CA12: variants seen among roughly 807,000 people sequenced by gnomAD.
CA12 encodes carbonic anhydrase 12, also known as carbonate dehydratase XII.
In CA12, 36 loss-of-function variants were observed where a neutral mutation model predicts 46.8. The observed-to-expected ratio is 0.77, with a 90% CI of 0.59 to 1.02. The LOEUF (loss-of-function observed/expected upper bound fraction) is 1.02. Ranked by LOEUF, CA12 falls within the 50% of genes least tolerant of loss-of-function variation. The probability of loss-of-function intolerance (pLI) is 0.00; values close to 1 mark genes in which losing one functional copy is unlikely to be tolerated. For synonymous variants in CA12, 202 were observed against 187.0 expected (o/e 1.08, Z -0.65); for missense variants, 436 against 451.4 (o/e 0.97, Z 0.31).
rs1363319217 is a variant in CA12, at chr15:63,355,141, C to A, written c.107-8432G>T. Among the ~76,000 whole-genome samples the A allele has an allele frequency of 6.6e-6, 1 of 152,216 alleles. No homozygotes were observed. Among genetic ancestry groups the A allele is most frequent in the Non-Finnish European group, 1.5e-5 (1 of 68,040 alleles). Reference sequence around the variant, plus strand: ...GTGGAGAGGCTCTGCCCACCTCTCTCTGGACTTTTCTGTGTCTGCTCCCAC... The same window carrying A: ...GTGGAGAGGCTCTGCCCACCTCTCTATGGACTTTTCTGTGTCTGCTCCCAC... On this transcript the variant is annotated intron_variant, in intron 2 of 10. Coordinates refer to ENST00000178638, the MANE Select transcript of CA12 (RefSeq NM_001218.5). This position sits in a 1 kb window ranked among gnomAD's most constrained non-coding sequence, Gnocchi z 4.1.
intron 8 of CA12, among the ~76,000 whole-genome samples, chr15:63,333,727 C>T (rs890723005): frequency 6.6e-5 from 10 of 152,172 alleles, no homozygotes; most frequent in African/African-American, 2.4e-4. Flanking sequence ...CATAAAATTG[C>T]CCAGGTCTAG....
At chr15:63,326,921 G>A (rs1272646534) in intron 10 of CA12, among the ~76,000 whole-genome samples, 5 of 152,228 alleles carry the variant, frequency 3.3e-5, no homozygotes, top group South Asian at 2.1e-4. Flanking sequence ...AGGCACACAC[G>A]CTTCCAAATC....
chr15:63,352,034 A>G (rs1015818713), intron 2 of CA12, among the ~76,000 whole-genome samples: 2 of 152,074 alleles, frequency 1.3e-5, no homozygotes, highest in African/African-American at 4.8e-5. Flanking sequence ...AGGTGAGGGT[A>G]ATGTGAAAGA....
At position 63,341,744 on chromosome 15, in the gene CA12, G is replaced by A. The variant is rs573554208; in HGVS notation, c.525+258C>T. Reference sequence around the variant, plus strand: ...CCAACTGGGCAATTCCATGCCTTATGCAACAGGGCTAGATGTTGGGGCCCG... The same window carrying A: ...CCAACTGGGCAATTCCATGCCTTATACAACAGGGCTAGATGTTGGGGCCCG... On this transcript the variant is annotated intron_variant, in intron 5 of 10. Transcript: ENST00000178638. This position sits in a 1 kb window ranked among gnomAD's most constrained non-coding sequence, Gnocchi z 5.2. Among the ~76,000 whole-genome samples the A allele has an allele frequency of 1.2e-4, 19 of 152,320 alleles. No individual in the cohort carries two copies. In the South Asian group the frequency reaches 1.4e-3, roughly 12 times the overall value.
intron 2 of CA12, among the ~76,000 whole-genome samples, chr15:63,357,819 C>G (rs1049255492): frequency 2.6e-5 from 4 of 152,140 alleles, no homozygotes; most frequent in Middle Eastern, 3.2e-3. Context: ...GAAGCAGTCA[C>G]CTCCCACTCT....
chr15:63,370,629 C>T (rs775687524), intron 2 of CA12, among the ~76,000 whole-genome samples: 1 of 151,416 alleles, frequency 6.6e-6, no homozygotes, highest in South Asian at 2.1e-4. Context: ...AAAGATTAGC[C>T]GGGCGTGGTG....
chr15:63,358,220 G>T (rs2039317086), intron 2 of CA12, among the ~76,000 whole-genome samples: 1 of 152,236 alleles, frequency 6.6e-6, no homozygotes, highest in African/African-American at 2.4e-5. Context: ...GCTGTGCAGA[G>T]TGCTGCAAGG....
At position 63,330,813 on chromosome 15, in the gene CA12, C is replaced by T. The variant is rs2038928804; in HGVS notation, c.875-2683G>A. Among the ~76,000 whole-genome samples the T allele has an allele frequency of 6.6e-6, 1 of 152,212 alleles. No homozygotes were observed. The highest frequency in any genetic ancestry group is 6.5e-5 in the Admixed American group (1 of 15,284). ...AGCAACAGCATAGTTGAACCCAGTG[C>T]TGTGACCTGGGATCTTTGCTCCTTG... is the stretch of plus-strand genomic sequence containing the variant. On this transcript the variant is annotated intron_variant, in intron 8 of 10. Coordinates refer to ENST00000178638, the MANE Select transcript of CA12 (RefSeq NM_001218.5). This position sits in a 1 kb window ranked among gnomAD's most constrained non-coding sequence, Gnocchi z 4.0.
Position 63,345,354 on chromosome 15 carries a change from G to T in CA12, c.429+123C>A. The T allele has an allele frequency of 1.6e-6, 2 of 1,262,670 alleles. No homozygotes were observed. Among genetic ancestry groups the T allele is most frequent in the Non-Finnish European group, 2.2e-6 (2 of 897,786 alleles). The allele number at this position is 1,262,670 out of a possible 1,614,324, so 78.2% of individuals were successfully genotyped here. On this transcript the variant is annotated intron_variant, in intron 4 of 10. Coordinates refer to ENST00000178638, the MANE Select transcript of CA12 (RefSeq NM_001218.5). This position sits in a 1 kb window ranked among gnomAD's most constrained non-coding sequence, Gnocchi z 4.3. The stretch of plus-strand genomic sequence containing the variant: ...CGCCCCTTGTGCCAGGGCCAGAGGT[G>T]GGGCAGAGAGCCTGAAGGCAGCCTG...
chr15:63,380,199 G>A (rs1218734982), intron 1 of CA12, among the ~76,000 whole-genome samples: 1 of 152,202 alleles, frequency 6.6e-6, no homozygotes, highest in Admixed American at 6.5e-5. Context: ...GGCGAAAGTG[G>A]AGTTTTGACT....
At chr15:63,357,416 T>C (rs546959664) in intron 2 of CA12, among the ~76,000 whole-genome samples, 1 of 152,326 alleles carries the variant, frequency 6.6e-6, no homozygotes, top group African/African-American at 2.4e-5. Flanking sequence ...CATGGCTACA[T>C]AGTGGAATCT....
intron 2 of CA12, among the ~76,000 whole-genome samples, chr15:63,364,343 A>AAAAAAAAAAAG (rs2039410501): frequency 6.7e-6 from 1 of 149,368 alleles, no homozygotes; most frequent in East Asian, 1.9e-4. Flanking sequence ...AAAAAAAAAA[A>AAAAAAAAAAAG]AAAAAAAAAA....
intron 4 of CA12, among the ~76,000 whole-genome samples, chr15:63,344,599 T>C (rs2039121901): frequency 6.6e-6 from 1 of 152,216 alleles, no homozygotes; most frequent in Non-Finnish European, 1.5e-5. Context: ...TGCTTGCAAG[T>C]AGACCTATGA....
intron 2 of CA12, among the ~76,000 whole-genome samples, chr15:63,356,396 T>A (rs1358069328): frequency 6.6e-6 from 1 of 152,200 alleles, no homozygotes; most frequent in Non-Finnish European, 1.5e-5. Context: ...AATAAAAAAT[T>A]AAAAATTGTA....
At chr15:63,370,984 T>C (rs565330577) in intron 2 of CA12, among the ~76,000 whole-genome samples, 11 of 151,966 alleles carry the variant, frequency 7.2e-5, no homozygotes, top group African/African-American at 2.4e-4. Context: ...CTGTTTTGAG[T>C]CTCCCCTGAG....
chr15:63,324,770 C>A lies in CA12; in HGVS notation c.*1515G>T, dbSNP rs984646445. ...GTGGCATGACCTTGGCTTACTGCAACCTCCGCCTCCTGGGTTCAAGCGATT... is the reference window on the plus strand; with the variant it reads ...GTGGCATGACCTTGGCTTACTGCAAACTCCGCCTCCTGGGTTCAAGCGATT... On this transcript the variant is annotated 3_prime_UTR_variant, in exon 11 of 11. Coordinates refer to ENST00000178638, the MANE Select transcript of CA12 (RefSeq NM_001218.5). 1.3e-5 allele frequency: 2 copies of A among 149,680 alleles called. No individual in the cohort carries two copies. The highest frequency in any genetic ancestry group is 2.9e-5 in the Non-Finnish European group (2 of 67,810). 9.3% of individuals were successfully genotyped at this position (149,680 alleles called of 1,614,324 possible).
chr15:63,377,186 C>T (rs768456701), intron 1 of CA12, among the ~76,000 whole-genome samples: 17 of 152,156 alleles, frequency 1.1e-4, no homozygotes, highest in Non-Finnish European at 1.9e-4. Flanking sequence ...GAGGAAGGGA[C>T]CCTGAGTAGA....
At chr15:63,332,682 C>T (rs1338740639) in intron 8 of CA12, among the ~76,000 whole-genome samples, 2 of 152,198 alleles carry the variant, frequency 1.3e-5, no homozygotes. Context: ...CTCTCTTAAA[C>T]AAATGGTTGA....
Position 63,325,867 on chromosome 15 carries a change from C to A in CA12, c.*418G>T, listed in dbSNP as rs1393997261. ...TTGAGTTTCCCAAGCAAAACCTAAG[C>A]AGAGAGTGCACATTCTTGTCTGAAA... On this transcript the variant is annotated 3_prime_UTR_variant, in exon 11 of 11. Transcript: ENST00000178638. The surrounding 1 kb of genome is among the most constrained non-coding windows in gnomAD (Gnocchi z 4.9). 1.7e-5 allele frequency: 4 copies of A among 233,288 alleles called. No homozygotes were observed. Among genetic ancestry groups the A allele is most frequent in the South Asian group, 6.4e-5 (1 of 15,560 alleles). 14.5% of individuals were successfully genotyped at this position (233,288 alleles called of 1,614,324 possible).
Sources: gnomAD v4.1 joint callset for allele counts (sites outside exome capture counted in the v4.1 genomes callset) on GRCh38, gnomAD v4.1.1 for gene constraint, Gnocchi (gnomAD v3.1) non-coding constraint, MANE v1.5 for transcripts, NCBI Gene and HGNC (gene_info 2026-07-23, HGNC 2026-07-21) for gene names.